ZFHX3: variants seen among roughly 807,000 people sequenced by gnomAD.
ZFHX3 encodes zinc finger homeobox protein 3.
In ZFHX3, 42 loss-of-function variants were observed where a neutral mutation model predicts 279.1. The ratio of observed to expected loss-of-function variants is 0.15; its 90% CI spans 0.12 to 0.19. The LOEUF (loss-of-function observed/expected upper bound fraction) is 0.19, where lower values mean the gene tolerates loss of function less well. Ranked by LOEUF, ZFHX3 falls within the 10% of genes least tolerant of loss-of-function variation. ZFHX3 has a pLI of 1.00. For missense variants in ZFHX3, 4,981 were observed against 4,754.0 expected (o/e 1.05, Z -1.40); for synonymous variants, 2,293 against 1,957.8 (o/e 1.17, Z -4.52).
At chr16:72,914,712 C>T (rs1393977113) in intron 3 of ZFHX3, among the ~76,000 whole-genome samples, 1 of 152,044 alleles carries the variant, frequency 6.6e-6, no homozygotes. Flanking sequence ...ATAGGCTAGG[C>T]TGGGTGCGGT....
intron 1 of ZFHX3, among the ~76,000 whole-genome samples, chr16:73,810,590 T>C (rs1218419761): frequency 6.6e-6 from 1 of 152,202 alleles, no homozygotes; most frequent in Non-Finnish European, 1.5e-5. Flanking sequence ...ATTATCTTAT[T>C]TGAGCCTTAA....
At chr16:73,079,368 T>C (rs745940777) in intron 8 of ZFHX3, among the ~76,000 whole-genome samples, 23 of 151,658 alleles carry the variant, frequency 1.5e-4, no homozygotes, top group Non-Finnish European at 2.6e-4. Context: ...CTACAAAAAA[T>C]ACAAACATTA....
At chr16:72,854,210 C>A (rs2037692220) in intron 4 of ZFHX3, among the ~76,000 whole-genome samples, 2 of 152,216 alleles carry the variant, frequency 1.3e-5, no homozygotes, top group South Asian at 2.1e-4. Flanking sequence ...TTCTCTCCCT[C>A]CCCTGCCTGC....
chr16:73,466,598 GA>G (rs949695985), intron 2 of ZFHX3, among the ~76,000 whole-genome samples: 2 of 151,930 alleles, frequency 1.3e-5, no homozygotes, highest in East Asian at 1.9e-4. Flanking sequence ...CCGGAAAAGG[GA>G]AAAAAAATAG....
intron 5 of ZFHX3, among the ~76,000 whole-genome samples, chr16:73,152,697 A>G (rs1966971621): frequency 6.7e-6 from 1 of 149,452 alleles, no homozygotes; most frequent in Non-Finnish European, 1.5e-5. Flanking sequence ...TGTTAACCAC[A>G]TCTTGAGGTT....
chr16:72,818,548 C>T (rs1333184530), intron 5 of ZFHX3, among the ~76,000 whole-genome samples: 2 of 152,354 alleles, frequency 1.3e-5, no homozygotes, highest in Admixed American at 1.3e-4. Flanking sequence ...TGGTCTCATT[C>T]TGCCTCCAAC....
chr16:72,886,340 C>A (rs111333758), intron 4 of ZFHX3, among the ~76,000 whole-genome samples: 43 of 151,626 alleles, frequency 2.8e-4, no homozygotes, highest in African/African-American at 8.7e-4. Context: ...AGCATCTTGA[C>A]ATACGGAAGG....
At chr16:73,830,179 C>T (rs1407269673) in intron 1 of ZFHX3, among the ~76,000 whole-genome samples, 3 of 132,508 alleles carry the variant, frequency 2.3e-5, no homozygotes, top group Non-Finnish European at 1.6e-5. Context: ...CAGGTGCGTC[C>T]GTCACCCCTT....
chr16:73,767,574 T>C (rs2053964839), intron 1 of ZFHX3, among the ~76,000 whole-genome samples: 1 of 152,164 alleles, frequency 6.6e-6, no homozygotes, highest in African/African-American at 2.4e-5. Flanking sequence ...AGATATATAA[T>C]AGATGGTGAT....
At chr16:73,480,873 C>T (rs1198773107) in intron 2 of ZFHX3, among the ~76,000 whole-genome samples, 1 of 152,146 alleles carries the variant, frequency 6.6e-6, no homozygotes, top group Non-Finnish European at 1.5e-5. Flanking sequence ...TCATCCTGCC[C>T]TCAGGGTATC....
intron 1 of ZFHX3, among the ~76,000 whole-genome samples, chr16:73,000,272 G>A (rs973819097): frequency 2.0e-5 from 3 of 152,258 alleles, no homozygotes; most frequent in Non-Finnish European, 4.4e-5. Flanking sequence ...CGCGGTGAAA[G>A]GAAGGAAGGA....
intron 2 of ZFHX3, among the ~76,000 whole-genome samples, chr16:73,532,339 C>T (rs773764745): frequency 2.0e-5 from 3 of 152,244 alleles, no homozygotes; most frequent in South Asian, 4.1e-4. Context: ...TCTCTCTTTG[C>T]CTGTGGCCAT....
intron 3 of ZFHX3, among the ~76,000 whole-genome samples, chr16:73,455,113 T>C (rs1597341958): frequency 6.6e-6 from 1 of 152,186 alleles, no homozygotes; most frequent in South Asian, 2.1e-4. Context: ...ACAGATGGAG[T>C]AGCTCATAAA....
At chr16:73,186,886 C>T (rs1967923043) in intron 5 of ZFHX3, among the ~76,000 whole-genome samples, 1 of 152,120 alleles carries the variant, frequency 6.6e-6, no homozygotes. Flanking sequence ...TCAATTAAGC[C>T]TAAGAATTTA....
intron 1 of ZFHX3, among the ~76,000 whole-genome samples, chr16:73,799,801 T>C (rs2142324476): frequency 6.6e-6 from 1 of 152,292 alleles, no homozygotes; most frequent in South Asian, 2.1e-4. Flanking sequence ...AAAAAGCATC[T>C]CACTCTCCCA....
intron 1 of ZFHX3, among the ~76,000 whole-genome samples, chr16:73,719,939 T>C (rs902543813): frequency 6.6e-6 from 1 of 152,222 alleles, no homozygotes; most frequent in Non-Finnish European, 1.5e-5. Flanking sequence ...TTGCTGTTTT[T>C]CTCACGGCTA....
chr16:73,743,119 G>C (rs60934759), intron 1 of ZFHX3, among the ~76,000 whole-genome samples: 3,348 of 152,220 alleles, frequency 0.022, 124 homozygotes, highest in African/African-American at 0.077. Flanking sequence ...ATATAAATGG[G>C]ATCATATTCT....
chr16:73,733,022 T>G (rs9925456), intron 1 of ZFHX3, among the ~76,000 whole-genome samples: 1 of 152,210 alleles, frequency 6.6e-6, no homozygotes, highest in Non-Finnish European at 1.5e-5. Context: ...TTATTTATTT[T>G]AATGTTAGGT....
At chr16:72,932,840 G>A (rs970489264) in intron 3 of ZFHX3, among the ~76,000 whole-genome samples, 8 of 152,152 alleles carry the variant, frequency 5.3e-5, no homozygotes, top group South Asian at 2.1e-4. Context: ...TGCAGACTGC[G>A]TCTAGGTGCA....
Sources: allele counts gnomAD v4.1 joint callset (sites outside exome capture counted in the v4.1 genomes callset), GRCh38; gene constraint gnomAD v4.1.1; transcripts MANE v1.5; gene names NCBI Gene and HGNC (gene_info 2026-07-23, HGNC 2026-07-21).